Variants in MATN2 observed in about 807,000 individuals in gnomAD.
MATN2 encodes the protein matrilin 2.
Under a neutral mutation model 103.2 loss-of-function variants are expected in MATN2, and 69 were observed. The observed-to-expected ratio is 0.67, with a 90% CI of 0.55 to 0.82. The LOEUF (loss-of-function observed/expected upper bound fraction) is 0.82, where lower values mean the gene tolerates loss of function less well. Ranked by LOEUF, MATN2 falls within the 40% of genes least tolerant of loss-of-function variation. The pLI is 0.00. For synonymous variants in MATN2, 429 were observed against 450.2 expected (o/e 0.95, Z 0.60); for missense variants, 1,023 against 1,211.5 (o/e 0.84, Z 2.31).
intron 17 of MATN2, 106 bp downstream of exon 17, chr8:98,033,282 T>A: frequency 9.7e-7 from 1 of 1,031,960 alleles, no homozygotes; most frequent in Non-Finnish European, 1.4e-6. Context: ...TAGGAAATAG[T>A]ATAGAGGAAA....
At chr8:97,965,359 G>A (rs1326733582) in intron 5 of MATN2, among the ~76,000 whole-genome samples, 1 of 152,188 alleles carries the variant, frequency 6.6e-6, no homozygotes, top group Non-Finnish European at 1.5e-5. Context: ...ATGGGGAACT[G>A]CAGGGTGTAT....
chr8:97,994,209 GGGAAGGGAAAGAGGAAGGAGAAGGGGGA>G lies in MATN2; in HGVS notation c.1082-256_1082-229del, dbSNP rs1259940074. On this transcript the variant is annotated intron_variant, in intron 6 of 18. Transcript: ENST00000254898. ...GAGGGAGGGGGGAAGAGGGAAGAGG[GGGAAGGGAAAGAGGAAGGAGAAGGGGGA>G]GGAAGGGAAAGAGGGAGGAGGAGGG... Among the ~76,000 whole-genome samples the G allele has an allele frequency of 6.2e-4, 86 of 138,006 alleles. 1 individual carries two copies. In the Middle Eastern group the frequency reaches 0.023, roughly 37 times the overall value. The allele number at this position is 138,006 out of a possible 152,430, so 90.5% of individuals were successfully genotyped here. A position where few individuals can be genotyped will look rare whatever the true frequency, so the allele number is the denominator to read the frequency against.
chr8:97,898,574 G>T (rs185046199), intron 2 of MATN2, among the ~76,000 whole-genome samples: 1,690 of 148,706 alleles, frequency 0.011, 37 homozygotes, highest in African/African-American at 0.041. Flanking sequence ...TCCAGCCTGG[G>T]CAACAAGAGT....
At chr8:97,933,660 T>C (rs1163021802) in intron 3 of MATN2, among the ~76,000 whole-genome samples, 1 of 152,066 alleles carries the variant, frequency 6.6e-6, no homozygotes. Flanking sequence ...CTTCATCTTC[T>C]TTGTTATAAT....
chr8:98,019,380 C>G (rs560060527), intron 12 of MATN2, among the ~76,000 whole-genome samples: 1 of 152,278 alleles, frequency 6.6e-6, no homozygotes, highest in East Asian at 1.9e-4. Context: ...TGAAGGCAGT[C>G]TGGATGCAGA....
At chr8:97,965,563 G>A (rs1017726214) in intron 5 of MATN2, among the ~76,000 whole-genome samples, 3 of 152,212 alleles carry the variant, frequency 2.0e-5, no homozygotes, top group African/African-American at 7.2e-5. Context: ...GCCAGGTACC[G>A]TGGCACATGT....
chr8:97,979,362 C>T (rs964708937), intron 6 of MATN2, among the ~76,000 whole-genome samples: 9 of 152,196 alleles, frequency 5.9e-5, no homozygotes, highest in Non-Finnish European at 1.0e-4. Context: ...AGCTTTGTGG[C>T]TTGTGGGCTT....
At chr8:98,031,345 G>GA (rs1018413054) in intron 15 of MATN2, 25 of 139,554 alleles carry the variant, frequency 1.8e-4, no homozygotes, top group East Asian at 1.7e-3. Flanking sequence ...CTCAAAAAAA[G>GA]AAAAAAAAAA....
chr8:97,965,570 A>C (rs976245725), intron 5 of MATN2, among the ~76,000 whole-genome samples: 32 of 152,238 alleles, frequency 2.1e-4, no homozygotes, highest in African/African-American at 6.8e-4. Context: ...ACCGTGGCAC[A>C]TGTCTATAAT....
intron 3 of MATN2, among the ~76,000 whole-genome samples, chr8:97,933,607 T>C (rs886431013): frequency 1.3e-5 from 2 of 149,056 alleles, no homozygotes; most frequent in African/African-American, 2.5e-5. Context: ...GTGTGCTTTC[T>C]GGCAAGGCAG....
intron 2 of MATN2, among the ~76,000 whole-genome samples, chr8:97,903,235 T>G (rs1394584541): frequency 6.8e-6 from 1 of 147,952 alleles, no homozygotes; most frequent in Admixed American, 7.1e-5. Context: ...CATGCACGCC[T>G]TCACCCACCC....
chr8:98,024,523 C>CAACAACA (rs1554616086), intron 13 of MATN2, among the ~76,000 whole-genome samples: 14 of 152,010 alleles, frequency 9.2e-5, no homozygotes, highest in African/African-American at 3.4e-4. Flanking sequence ...ACAACAACAA[C>CAACAACA]AACAAACAAA....
At chr8:97,910,981 GTTTA>G (rs1322176313) in intron 2 of MATN2, among the ~76,000 whole-genome samples, 1 of 146,722 alleles carries the variant, frequency 6.8e-6, no homozygotes, top group Non-Finnish European at 1.5e-5. Context: ...ATTTAACTTA[GTTTA>G]TTTATTTATT....
intron 7 of MATN2, among the ~76,000 whole-genome samples, chr8:97,998,913 C>T (rs1812692602): frequency 6.6e-6 from 1 of 152,144 alleles, no homozygotes; most frequent in Admixed American, 6.5e-5. Context: ...AGCACATTCA[C>T]ATTGTTGTGC....
chr8:97,962,694 A>G (rs1291267868), intron 5 of MATN2, among the ~76,000 whole-genome samples: 1 of 152,216 alleles, frequency 6.6e-6, no homozygotes, highest in Non-Finnish European at 1.5e-5. Context: ...AGAAGCCAAC[A>G]TATATACCCA....
intron 2 of MATN2, among the ~76,000 whole-genome samples, chr8:97,890,559 T>G (rs1266557693): frequency 6.6e-6 from 1 of 151,244 alleles, no homozygotes; most frequent in Non-Finnish European, 1.5e-5. Context: ...GCAATCTGCT[T>G]TTTTTTTTCT....
In MATN2 at chr8:98,005,549, G is replaced by A. The variant is rs1372565920; in HGVS notation, c.1328-1556G>A. On this transcript the variant is annotated intron_variant, in intron 8 of 18. Transcript: ENST00000254898. This position sits in a 1 kb window ranked among gnomAD's most constrained non-coding sequence, Gnocchi z 4.6. ...CTCTAAGAACGGACCACAAGAGATC[G>A]GGACCCTCCCTTCTCTCTGGGATCT... 3.3e-5 allele frequency among the ~76,000 whole-genome samples: 5 copies of A among 152,244 alleles called. No homozygotes were observed. In the East Asian group the frequency reaches 5.8e-4, roughly 18 times the overall value.
At chr8:97,946,114 A>G (rs1295661718) in intron 4 of MATN2, among the ~76,000 whole-genome samples, 2 of 152,112 alleles carry the variant, frequency 1.3e-5, no homozygotes, top group East Asian at 3.8e-4. Context: ...CACTGACCCC[A>G]TTCCTATCAA....
intron 18 of MATN2, among the ~76,000 whole-genome samples, chr8:98,033,959 C>A (rs1044354553): frequency 1.3e-5 from 2 of 152,018 alleles, no homozygotes; most frequent in Non-Finnish European, 2.9e-5. Context: ...GGCCTAACTC[C>A]GTCTCTGCTA....
Sources: allele counts gnomAD v4.1 joint callset (sites outside exome capture counted in the v4.1 genomes callset), GRCh38; gene constraint gnomAD v4.1.1; non-coding constraint Gnocchi (gnomAD v3.1); transcripts MANE v1.5; gene names NCBI Gene and HGNC (gene_info 2026-07-23, HGNC 2026-07-21).